The following FLNA variants were observed in gnomAD, a reference collection of about 807,000 sequenced individuals.
The protein encoded by FLNA is filamin A.
FLNA carries 7 observed loss-of-function variants against 157.6 expected under a neutral mutation model. The ratio of observed to expected loss-of-function variants is 0.04; its 90% CI spans 0.03 to 0.08. The LOEUF (loss-of-function observed/expected upper bound fraction) is 0.08. Among genes scored for constraint, FLNA ranks in the 10% least tolerant of loss-of-function variants. FLNA has a pLI of 1.00. For missense variants in FLNA, 1,750 were observed against 2,398.4 expected, an observed-to-expected ratio of 0.73 and a Z score of 5.65; for synonymous variants, 1,103 against 1,060.8, an observed-to-expected ratio of 1.04 and a Z score of -0.77.
rs782151831 is a variant in FLNA, at chrX:154,353,035, C to T, written c.6192G>A (p.Glu2064=). The T allele has an allele frequency of 8.3e-7, 1 of 1,211,789 alleles. No individual in the cohort carries two copies. Among genetic ancestry groups the T allele is most frequent in the South Asian group, 1.8e-5 (1 of 57,052 alleles). ...GQGLHEGHTF[E]PAEFIIDTRD... is the part of the protein sequence containing the mutation. ...GGGTATCAATGATAAACTCTGCAGGCTCAAAGGTGTGGCCTTCGTGAAGGC... is the reference window on the plus strand; with the variant it reads ...GGGTATCAATGATAAACTCTGCAGGTTCAAAGGTGTGGCCTTCGTGAAGGC... The change falls in exon 38 of 48, where the codon GAG becomes GAA. Residue 2064 remains glutamate (E), a synonymous_variant. Coordinates refer to ENST00000369850, the MANE Select transcript of FLNA (RefSeq NM_001110556.2).
intron 21 of FLNA, among the ~76,000 whole-genome samples, chrX:154,361,046 CAAAAAAAAAAAAAAAAAAAAAA>C (rs59672916): frequency 4.5e-4 from 9 of 19,986 alleles, no homozygotes; most frequent in African/African-American, 5.9e-4. Flanking sequence ...GACTCTTTCT[CAAAAAAAAAAAAAAAAAAAAAA>C]AAAAAAAAAA....
At position 154,366,365 on chromosome X, in the gene FLNA, G is replaced by A; in HGVS notation, c.1171C>T (p.Leu391=). Residue 391 remains leucine (L), a synonymous_variant, in exon 8 of 48, where the codon CTG becomes TTG. Transcript: ENST00000369850. ...ASKVTAQGPG[L]EPSGNIANKT... ...TTGGCGATGTTGCCACTGGGCTCCA[G>A]GCCGGGACCTTGGGCTGTCACTTTG... 2.5e-6 allele frequency: 3 copies of A among 1,212,326 alleles called. No individual in the cohort carries two copies. Among genetic ancestry groups the A allele is most frequent in the South Asian group, 3.5e-5 (2 of 57,062 alleles).
Position 154,352,954 on chromosome X carries a change from GCT to G in FLNA, c.6227-32_6227-31del, listed in dbSNP as rs782591351. 4.1e-6 allele frequency: 5 copies of G among 1,211,003 alleles called. No homozygotes were observed. In the East Asian group the frequency reaches 1.5e-4, roughly 36 times the overall value. Reference sequence around the variant, plus strand: ...GGGATGGATACCCCTGAGCCTCGGTGCTATGCACAGTGCTCCCGCCCCAGCTG... The same window carrying G: ...GGGATGGATACCCCTGAGCCTCGGTGATGCACAGTGCTCCCGCCCCAGCTG... On this transcript the variant is annotated intron_variant, in intron 38 of 47. Transcript: ENST00000369850.
chrX:154,359,219 G>C (rs782101555), intron 25 of FLNA, 27 bp downstream of exon 25: 2 of 1,210,801 alleles, frequency 1.7e-6, no homozygotes, highest in Non-Finnish European at 1.1e-6. Context: ...GACAGTCCCA[G>C]CCCTGCCCTG....
In FLNA at chrX:154,364,543, C is replaced by A. The variant is rs1389865253; in HGVS notation, c.2005G>T (p.Asp669Tyr). The change falls in exon 13 of 48, where the codon GAC (aspartate) becomes TAC (tyrosine). Residue 669 changes from aspartate to tyrosine, a missense_variant. This residue lies in a region of FLNA where 648 missense variants were observed against 805.8 expected (regional missense o/e 0.80). Coordinates refer to ENST00000369850, the MANE Select transcript of FLNA (RefSeq NM_001110556.2). ...CTCTTTACCCTGTCTGGGTGGAAGT[C>A]CTGGGGCGCGTCACGGATGTCAGCC... ...FMADIRDAPQDFHPDRVKARG... is the reference protein window; with the variant it reads ...FMADIRDAPQYFHPDRVKARG... 2.5e-5 allele frequency: 30 copies of A among 1,207,971 alleles called. No homozygotes were observed. The Admixed American group carries it at 6.6e-4, about 26-fold the overall frequency.
intron 2 of FLNA, among the ~76,000 whole-genome samples, chrX:154,368,312 GAC>G (rs1306676433): frequency 9.0e-6 from 1 of 111,588 alleles, no homozygotes; most frequent in East Asian, 2.8e-4. Context: ...GATACACACA[GAC>G]ACACACACAC....
At position 154,362,135 on chromosome X, in the gene FLNA, G is replaced by C. The variant is rs2067716479; in HGVS notation, c.2670C>G (p.Gly890=). Residue 890 remains glycine (G), a synonymous_variant, in exon 19 of 48, where the codon GGC becomes GGG. Coordinates refer to ENST00000369850, the MANE Select transcript of FLNA (RefSeq NM_001110556.2). ...CATTTACTGTGAAGTGGGTGGGCTT[G>C]CCAAGCTCGACACCTGAGGAACACA... is the stretch of plus-strand genomic sequence containing the variant. ...PGLSRTGVEL[G]KPTHFTVNAK... 8.3e-7 allele frequency: 1 copy of C among 1,211,747 alleles called. No individual in the cohort carries two copies. The highest frequency in any genetic ancestry group is 1.7e-5 in the African/African-American group (1 of 57,875).
chrX:154,353,299 C>G lies in FLNA; in HGVS notation c.6019G>C (p.Val2007Leu), dbSNP rs200956777. ...CCTGGACCCTTCAGCCGCTTACCCA[C>G]GTGGCCATTACGCAGCCGCTTCAGC... Reference protein sequence around the residue: ...CLLKRLRNGHVGISFVPKETG... With the variant: ...CLLKRLRNGHLGISFVPKETG... Residue 2007 changes from valine (V) to leucine (L), a missense_variant, in exon 37 of 48, where the codon GTG becomes CTG. Val to Leu is a conservative substitution (Grantham distance 32). Coordinates refer to ENST00000369850, the MANE Select transcript of FLNA (RefSeq NM_001110556.2). 8.3e-7 allele frequency: 1 copy of G among 1,211,901 alleles called. No homozygotes were observed. The highest frequency in any genetic ancestry group is 1.8e-5 in the South Asian group (1 of 57,041).
intron 13 of FLNA, 74 bp downstream of exon 13, chrX:154,364,452 C>G: frequency 8.4e-7 from 1 of 1,187,529 alleles, no homozygotes; most frequent in Non-Finnish European, 1.1e-6. Flanking sequence ...GCCAGGGACA[C>G]AGAGTGCCAT....
At chrX:154,367,179 G>A (rs1557179489) in intron 5 of FLNA, among the ~76,000 whole-genome samples, 1 of 112,079 alleles carries the variant, frequency 8.9e-6, no homozygotes, top group Admixed American at 9.4e-5. Context: ...CCTCCCCGAG[G>A]ACCCCACGCA....
In FLNA at chrX:154,366,417, G is replaced by A. The variant is rs782121971; in HGVS notation, c.1119C>T (p.Tyr373=). The A allele has an allele frequency of 1.6e-5, 19 of 1,210,268 alleles. No homozygotes were observed. Among genetic ancestry groups the A allele is most frequent in the African/African-American group, 5.2e-5 (3 of 57,308 alleles). The change falls in exon 8 of 48, where the codon TAC becomes TAT. Residue 373 remains tyrosine, a synonymous_variant. Coordinates refer to ENST00000369850, the MANE Select transcript of FLNA (RefSeq NM_001110556.2). ...QHIAKSPFEV[Y]VDKSQGDASK... is the part of the protein sequence containing the mutation. ...TGGCGTCACCCTGTGACTTATCCAC[G>A]TACACCTCGAAGGGGCTCTTGGCGA...
intron 13 of FLNA, 26 bp from the exon 14 acceptor site, chrX:154,364,398 G>A: frequency 8.3e-7 from 1 of 1,198,596 alleles, no homozygotes; most frequent in Non-Finnish European, 1.1e-6. Context: ...CCAGCTGTCA[G>A]GGGGCCAGGT....
intron 22 of FLNA, 40 bp downstream of exon 22, chrX:154,359,949 TC>T: frequency 8.3e-7 from 1 of 1,205,544 alleles, no homozygotes; most frequent in Non-Finnish European, 1.1e-6. Flanking sequence ...GGGGTTCTGG[TC>T]CCTGTCCCCC....
rs782146314 is a variant in FLNA at position 154,371,207 on chromosome X, T to C, written c.39A>G (p.Ala13=). 5 of 1,197,770 alleles carry C rather than the reference T, an allele frequency of 4.2e-6. No homozygotes were observed. Among genetic ancestry groups the C allele is most frequent in the South Asian group, 3.6e-5 (2 of 55,198 alleles). Residue 13 remains alanine, a synonymous_variant, in exon 2 of 48, where the codon GCA becomes GCG. Coordinates refer to ENST00000369850, the MANE Select transcript of FLNA (RefSeq NM_001110556.2). Reference sequence around the variant, plus strand: ...CGACGCCGCCGCCCGGAGCCGCGCCTGCTGCGCTCTGGCCCGCCCGAGAGT... The same window carrying C: ...CGACGCCGCCGCCCGGAGCCGCGCCCGCTGCGCTCTGGCCCGCCCGAGAGT... The part of the protein sequence containing the change: ...SSHSRAGQSA[A]GAAPGGGVDT...
In FLNA at chrX:154,364,529, G is replaced by C. The variant is rs1557178734; in HGVS notation, c.2019C>G (p.Asp673Glu). The change falls in exon 13 of 48, where the codon GAC becomes GAG. Residue 673 changes from aspartate (D) to glutamate (E), a missense_variant. This residue lies in a region of FLNA where 648 missense variants were observed against 805.8 expected (regional missense o/e 0.80). Coordinates refer to ENST00000369850, the MANE Select transcript of FLNA (RefSeq NM_001110556.2). ...GCCATCACAGCCTGCTCTTTACCCT[G>C]TCTGGGTGGAAGTCCTGGGGCGCGT... Reference protein sequence around the residue: ...IRDAPQDFHPDRVKARGPGLE... With the variant: ...IRDAPQDFHPERVKARGPGLE... The C allele has an allele frequency of 8.3e-7, 1 of 1,209,622 alleles. No homozygotes were observed. Among genetic ancestry groups the C allele is most frequent in the East Asian group, 3.0e-5 (1 of 33,823 alleles).
rs965767514 is a variant in FLNA at position 154,354,164 on chromosome X, G to A, written c.5544C>T (p.Asn1848=). The change falls in exon 34 of 48, where the codon AAC becomes AAT. Residue 1848 remains asparagine (N), a synonymous_variant. Coordinates refer to ENST00000369850, the MANE Select transcript of FLNA (RefSeq NM_001110556.2). ...GGGCAGGCCCACCTGGGATGTGCATGTTGTCATAGCGGATGTCCATCTCGT... is the reference window on the plus strand; with the variant it reads ...GGGCAGGCCCACCTGGGATGTGCATATTGTCATAGCGGATGTCCATCTCGT... ...GLHEMDIRYD[N]MHIPGSPLQF... is the part of the protein sequence containing the mutation. 8.3e-7 allele frequency: 1 copy of A among 1,211,866 alleles called. No individual in the cohort carries two copies. The highest frequency in any genetic ancestry group is 1.1e-6 in the Non-Finnish European group (1 of 895,604).
At position 154,350,027 on chromosome X, in the gene FLNA, T is replaced by C. The variant is rs371132273; in HGVS notation, c.7333+4A>G. On this transcript the variant is annotated splice_donor_region_variant and intron_variant, in intron 45 of 47. Coordinates refer to ENST00000369850, the MANE Select transcript of FLNA (RefSeq NM_001110556.2). ...CACACGTGCAGCCGCACCGACAGACTTACCTGTGACACCGCCTTCCAGACC... is the reference window on the plus strand; with the variant it reads ...CACACGTGCAGCCGCACCGACAGACCTACCTGTGACACCGCCTTCCAGACC... 2.5e-6 allele frequency: 3 copies of C among 1,209,349 alleles called. No individual in the cohort carries two copies. Among genetic ancestry groups the C allele is most frequent in the Admixed American group, 4.4e-5 (2 of 45,920 alleles).
rs1341322681 is a variant in FLNA at position 154,348,597 on chromosome X, C to T, written c.*252G>A. ...ACTAGTGGGTGGTTGTGTACAGGAC[C>T]CCCATCCCTCACCCCTCCCAGAACC... On this transcript the variant is annotated 3_prime_UTR_variant, in exon 48 of 48. Coordinates refer to ENST00000369850, the MANE Select transcript of FLNA (RefSeq NM_001110556.2). 6 of 379,006 alleles carry T rather than the reference C, an allele frequency of 1.6e-5. No individual in the cohort carries two copies. The African/African-American group carries it at 1.6e-4, about 10-fold the overall frequency. 31.2% of individuals were successfully genotyped at this position (379,006 alleles called of 1,213,427 possible).
intron 1 of FLNA, among the ~76,000 whole-genome samples, chrX:154,372,287 G>C (rs781885625): frequency 2.2e-4 from 25 of 113,272 alleles, no homozygotes; most frequent in African/African-American, 7.7e-4. Flanking sequence ...GCTGAAGCGG[G>C]GGGTCCTCTC....
Sources: gnomAD v4.1 joint callset for allele counts (sites outside exome capture counted in the v4.1 genomes callset) on GRCh38, gnomAD v4.1.1 for gene constraint, gnomAD v4.1.1 regional missense constraint, MANE v1.5 for transcripts, NCBI Gene and HGNC (gene_info 2026-07-23, HGNC 2026-07-21) for gene names.